C7: variants seen among roughly 807,000 people sequenced by gnomAD.
C7 encodes the protein complement component C7.
Under a neutral mutation model 104.8 loss-of-function variants are expected in C7, and 83 were observed. The ratio of observed to expected loss-of-function variants is 0.79; its 90% CI spans 0.66 to 0.95. C7 has a LOEUF of 0.95. Among genes scored for constraint, C7 ranks in the 40% least tolerant of loss-of-function variants. The probability of loss-of-function intolerance (pLI) is 0.00; values close to 1 mark genes in which losing one functional copy is unlikely to be tolerated. For synonymous variants in C7, 415 were observed against 360.6 expected, an observed-to-expected ratio of 1.15 and a Z score of -1.71; for missense variants, 1,070 against 1,011.2, an observed-to-expected ratio of 1.06 and a Z score of -0.79.
intron 15 of C7, among the ~76,000 whole-genome samples, chr5:40,973,351 G>A (rs935518429): frequency 2.0e-5 from 3 of 152,120 alleles, no homozygotes; most frequent in African/African-American, 7.2e-5. Context: ...AAACTCACTT[G>A]CATACTATTT....
intron 1 of C7, among the ~76,000 whole-genome samples, chr5:40,922,545 C>T (rs1385966185): frequency 6.6e-6 from 1 of 151,010 alleles, no homozygotes; most frequent in Non-Finnish European, 1.5e-5. Flanking sequence ...ACTAAAAATA[C>T]AGAAATTTTG....
At position 40,982,310 on chromosome 5, in the gene C7, A is replaced by AT. The variant is rs1191471538; in HGVS notation, c.*742dup. 21 of 147,954 alleles carry AT rather than the reference A, an allele frequency of 1.4e-4. No individual in the cohort carries two copies. Among genetic ancestry groups the AT allele is most frequent in the Middle Eastern group, 3.4e-3 (1 of 292 alleles). 9.2% of individuals were successfully genotyped at this position (147,954 alleles called of 1,614,324 possible). On this transcript the variant is annotated 3_prime_UTR_variant, in exon 18 of 18. Coordinates refer to ENST00000313164, the MANE Select transcript of C7 (RefSeq NM_000587.4). ...AGGTGCCCGCCACCACGCCCAGCTA[A>AT]TTTTTGCATTTTTAGTAGAGATGGG...
At chr5:40,948,252 T>A (rs78655368) in intron 8 of C7, among the ~76,000 whole-genome samples, 4 of 151,884 alleles carry the variant, frequency 2.6e-5, no homozygotes, top group Non-Finnish European at 5.9e-5. Context: ...CTCATTCTTT[T>A]AAAAAAATCC....
intron 6 of C7, among the ~76,000 whole-genome samples, chr5:40,943,612 A>G (rs1483845853): frequency 6.6e-6 from 1 of 151,874 alleles, no homozygotes; most frequent in Non-Finnish European, 1.5e-5. Flanking sequence ...TCTTTCTCCA[A>G]AGAGATAATA....
Position 40,920,657 on chromosome 5 carries a change from C to T in C7, c.7-7923C>T, listed in dbSNP as rs114659782. On this transcript the variant is annotated intron_variant, in intron 1 of 17. Coordinates refer to ENST00000313164, the MANE Select transcript of C7 (RefSeq NM_000587.4). ...TTCAATATAATACTGAAAGTCCTAA[C>T]GATAGCAATTAGGCAAGACAACAAA... Among the ~76,000 whole-genome samples the T allele has an allele frequency of 4.0e-3, 599 of 151,330 alleles. 2 individuals carry two copies. The highest frequency in any genetic ancestry group is 4.8e-3 in the Non-Finnish European group (326 of 67,938).
intron 14 of C7, among the ~76,000 whole-genome samples, chr5:40,966,947 T>C (rs988294042): frequency 1.3e-5 from 2 of 152,198 alleles, no homozygotes; most frequent in African/African-American, 4.8e-5. Flanking sequence ...AGTTGGGAGT[T>C]AATAAAGCCA....
At chr5:40,958,659 A>G (rs772968746) in intron 11 of C7, among the ~76,000 whole-genome samples, 14 of 152,206 alleles carry the variant, frequency 9.2e-5, no homozygotes, top group East Asian at 1.9e-4. Flanking sequence ...GTGATGTACT[A>G]TCAATCACTC....
At chr5:40,916,532 A>G (rs145429614) in intron 1 of C7, among the ~76,000 whole-genome samples, 2 of 152,234 alleles carry the variant, frequency 1.3e-5, no homozygotes, top group African/African-American at 4.8e-5. Flanking sequence ...GTCAGAGAGA[A>G]CCGGAGTGGA....
At chr5:40,916,498 T>G (rs1214703826) in intron 1 of C7, among the ~76,000 whole-genome samples, 7 of 152,198 alleles carry the variant, frequency 4.6e-5, no homozygotes, top group Non-Finnish European at 2.9e-5. Flanking sequence ...TTCTCTCCTC[T>G]TGGTATCCCT....
intron 8 of C7, among the ~76,000 whole-genome samples, chr5:40,948,046 T>G (rs1001423462): frequency 2.0e-5 from 3 of 152,192 alleles, no homozygotes; most frequent in Non-Finnish European, 1.5e-5. Flanking sequence ...CTGTTTTGCA[T>G]AGTACCTTGA....
intron 13 of C7, among the ~76,000 whole-genome samples, chr5:40,964,320 G>A (rs1412475881): frequency 1.3e-5 from 2 of 151,868 alleles, no homozygotes; most frequent in Non-Finnish European, 2.9e-5. Context: ...TAGAATTACA[G>A]GCATGAGACA....
chr5:40,947,103 T>A (rs1049333282), intron 7 of C7, among the ~76,000 whole-genome samples: 2 of 151,156 alleles, frequency 1.3e-5, no homozygotes, highest in Non-Finnish European at 3.0e-5. Flanking sequence ...TCAGATTTTT[T>A]TTTTTTTTTT....
At chr5:40,964,981 CTG>C in intron 14 of C7, 108 bp downstream of exon 14, 1 of 1,239,214 alleles carries the variant, frequency 8.1e-7, no homozygotes, top group Non-Finnish European at 1.2e-6. Flanking sequence ...CCTTCCTTTC[CTG>C]TAAGGCTGAC....
rs369760989 is a variant in C7, at chr5:40,949,957, G to T, written c.1036G>T (p.Val346Phe). 16 of 1,601,222 alleles carry T rather than the reference G, an allele frequency of 1.0e-5. No homozygotes were observed. Among genetic ancestry groups the T allele is most frequent in the Non-Finnish European group, 1.3e-5 (15 of 1,173,364 alleles). Residue 346 changes from valine to phenylalanine, a missense_variant, in exon 9 of 18, where the codon GTT (valine) becomes TTT (phenylalanine). Val to Phe is a conservative substitution (Grantham distance 50). Coordinates refer to ENST00000313164, the MANE Select transcript of C7 (RefSeq NM_000587.4). ...KCKSSGWHFV[V>F]KFSSHGCKEL... ...TAAATCCTCAGGTTGGCATTTTGTC[G>T]TTAAATTTTCAAGTCATGGATGCAA...
chr5:40,979,685 CA>C, intron 16 of C7, 39 bp from the exon 17 acceptor site: 1 of 1,552,366 alleles, frequency 6.4e-7, no homozygotes, highest in Non-Finnish European at 8.8e-7. Flanking sequence ...CTTTTACGAA[CA>C]AAAATCTTGT....
chr5:40,915,059 G>A (rs1739291313), intron 1 of C7, among the ~76,000 whole-genome samples: 2 of 152,150 alleles, frequency 1.3e-5, no homozygotes, highest in Admixed American at 1.3e-4. Flanking sequence ...CAGGAAGCAG[G>A]CATGGGTGAG....
chr5:40,984,388 A>C lies in C7; in HGVS notation c.*2815A>C, dbSNP rs926968598. On this transcript the variant is annotated 3_prime_UTR_variant, in exon 18 of 18. Transcript: ENST00000313164. Reference sequence around the variant, plus strand: ...ACTAGCCAGGTAACTGGCTAATCTGATTGAGGGTTGCCCTCTTTGCTGGGC... The same window carrying C: ...ACTAGCCAGGTAACTGGCTAATCTGCTTGAGGGTTGCCCTCTTTGCTGGGC... Among the ~76,000 whole-genome samples, 4 of 152,114 alleles carry C rather than the reference A, an allele frequency of 2.6e-5. No homozygotes were observed. Among genetic ancestry groups the C allele is most frequent in the Admixed American group, 2.6e-4 (4 of 15,282 alleles).
rs990064527 is a variant in C7 at position 40,983,793 on chromosome 5, G to A, written c.*2220G>A. 1.3e-5 allele frequency among the ~76,000 whole-genome samples: 2 copies of A among 152,198 alleles called. No individual in the cohort carries two copies. The highest frequency in any genetic ancestry group is 4.8e-5 in the African/African-American group (2 of 41,458). On this transcript the variant is annotated 3_prime_UTR_variant, in exon 18 of 18. Coordinates refer to ENST00000313164, the MANE Select transcript of C7 (RefSeq NM_000587.4). ...ATGATTTTATACCACAAAAATAAAT[G>A]GAAAAAGAATAAAGACTGTGAGAAT... is the stretch of plus-strand genomic sequence containing the variant.
At chr5:40,952,272 C>G (rs1740186630) in intron 9 of C7, among the ~76,000 whole-genome samples, 1 of 152,176 alleles carries the variant, frequency 6.6e-6, no homozygotes, top group African/African-American at 2.4e-5. Context: ...CACTGAGGCC[C>G]AGAAATGTTG....
Sources: allele counts gnomAD v4.1 joint callset (sites outside exome capture counted in the v4.1 genomes callset), GRCh38; gene constraint gnomAD v4.1.1; transcripts MANE v1.5; gene names NCBI Gene and HGNC (gene_info 2026-07-23, HGNC 2026-07-21).